Variants in BNIP1 observed in about 807,000 individuals in gnomAD.
The protein encoded by BNIP1 is BCL2 interacting protein 1.
BNIP1 carries 25 observed loss-of-function variants against 28.5 expected under a neutral mutation model. That is an observed-to-expected ratio of 0.88 (90% CI 0.64 to 1.23). BNIP1 has a LOEUF of 1.23. Ranked by LOEUF, BNIP1 falls within the 50% of genes most tolerant of loss-of-function variation. BNIP1 has a pLI of 0.00. For missense variants in BNIP1, 276 were observed against 277.0 expected (o/e 1.00, Z 0.02); for synonymous variants, 118 against 101.7 (o/e 1.16, Z -0.96).
intron 3 of BNIP1, among the ~76,000 whole-genome samples, chr5:173,156,598 T>G (rs1760193526): frequency 1.1e-5 from 1 of 93,722 alleles, no homozygotes; most frequent in Non-Finnish European, 2.5e-5. Context: ...GCCGTGATCA[T>G]GTGACTGCAC....
intron 1 of BNIP1, among the ~76,000 whole-genome samples, chr5:173,145,994 TAAAC>T (rs1759825525): frequency 6.6e-6 from 1 of 152,192 alleles, no homozygotes; most frequent in South Asian, 2.1e-4. Context: ...TATAGAAAAA[TAAAC>T]AGGTTTCATA....
chr5:173,151,202 A>G (rs1480599098), intron 2 of BNIP1, among the ~76,000 whole-genome samples: 1 of 152,014 alleles, frequency 6.6e-6, no homozygotes, highest in South Asian at 2.1e-4. Flanking sequence ...CAGTAATCAG[A>G]GACTGTCCTC....
At chr5:173,154,232 A>G in intron 2 of BNIP1, 90 bp from the exon 3 acceptor site, 1 of 1,162,392 alleles carries the variant, frequency 8.6e-7, no homozygotes, top group South Asian at 1.4e-5. Flanking sequence ...TTCAAGTGCT[A>G]TTGTATGCCC....
intron 2 of BNIP1, among the ~76,000 whole-genome samples, chr5:173,148,083 A>AAATAT (rs1759906154): frequency 5.0e-5 from 2 of 40,292 alleles, no homozygotes; most frequent in Non-Finnish European, 7.7e-5. Flanking sequence ...AAAAAAAAAA[A>AAATAT]ATATATATAT....
intron 3 of BNIP1, 109 bp from the exon 4 acceptor site, chr5:173,158,635 G>A (rs1760273774): frequency 1.3e-6 from 1 of 772,214 alleles, no homozygotes; most frequent in African/African-American, 1.8e-5. Flanking sequence ...TGAAGGCCGT[G>A]CCTGGTGGCC....
At position 173,154,394 on chromosome 5, in the gene BNIP1, C is replaced by A; in HGVS notation, c.250C>A (p.His84Asn). ...ACTTCTACTCCAGGAAGTGGAGAAT[C>A]ACAAAAAGCAGATGCTCAGGTAGGC... ...KQLLLQEVEN[H>N]KKQMLSNQAS... is the part of the protein sequence containing the mutation. The change falls in exon 3 of 6, where the codon CAC becomes AAC. Residue 84 changes from histidine to asparagine, a missense_variant. His to Asn is a moderately conservative substitution (Grantham distance 68). Coordinates refer to ENST00000351486, the MANE Select transcript of BNIP1 (RefSeq NM_001205.3). 1 of 1,613,596 alleles carries A rather than the reference C, an allele frequency of 6.2e-7. No homozygotes were observed. The highest frequency in any genetic ancestry group is 1.7e-5 in the Admixed American group (1 of 59,954).
intron 1 of BNIP1, among the ~76,000 whole-genome samples, chr5:173,146,037 A>T (rs1759826419): frequency 6.6e-6 from 1 of 152,244 alleles, no homozygotes; most frequent in Non-Finnish European, 1.5e-5. Context: ...CACATAATCT[A>T]AATTGCTTAG....
intron 2 of BNIP1, among the ~76,000 whole-genome samples, 178 bp downstream of exon 2, chr5:173,147,136 G>A (rs564008791): frequency 2.0e-5 from 3 of 152,300 alleles, no homozygotes; most frequent in East Asian, 3.9e-4. Flanking sequence ...GCCGGGCACG[G>A]TGGCTCACGC....
chr5:173,147,043 C>A, intron 2 of BNIP1, 85 bp downstream of exon 2: 1 of 1,025,724 alleles, frequency 9.7e-7, no homozygotes, highest in Non-Finnish European at 1.5e-6. Context: ...CTTCAAACAC[C>A]AGCTGATGGG....
intron 3 of BNIP1, among the ~76,000 whole-genome samples, chr5:173,155,709 T>A (rs938367036): frequency 6.6e-6 from 1 of 151,506 alleles, no homozygotes; most frequent in Non-Finnish European, 1.5e-5. Context: ...AAAAAAAAAA[T>A]ATTTTTATTT....
intron 2 of BNIP1, among the ~76,000 whole-genome samples, chr5:173,148,508 G>A (rs1011942569): frequency 2.0e-5 from 3 of 152,080 alleles, no homozygotes. Context: ...CAGGCCCAGG[G>A]CTGGAACTCA....
intron 3 of BNIP1, among the ~76,000 whole-genome samples, chr5:173,156,261 G>T (rs904313515): frequency 1.3e-5 from 2 of 152,212 alleles, no homozygotes; most frequent in Non-Finnish European, 1.5e-5. Context: ...GGTAAGTTAT[G>T]CCAGACACAC....
At chr5:173,151,143 T>C (rs556619931) in intron 2 of BNIP1, among the ~76,000 whole-genome samples, 50 of 152,284 alleles carry the variant, frequency 3.3e-4, no homozygotes, top group African/African-American at 1.1e-3. Context: ...TCAAAACTTA[T>C]ACTGTTAAGT....
chr5:173,153,519 G>A (rs1176923982), intron 2 of BNIP1, among the ~76,000 whole-genome samples: 4 of 152,084 alleles, frequency 2.6e-5, no homozygotes, highest in African/African-American at 4.8e-5. Flanking sequence ...GAGCCACTGC[G>A]CCCGGCCGAG....
chr5:173,153,723 A>G (rs1164312740), intron 2 of BNIP1, among the ~76,000 whole-genome samples: 1 of 152,088 alleles, frequency 6.6e-6, no homozygotes, highest in Non-Finnish European at 1.5e-5. Flanking sequence ...GTGCTGGTAG[A>G]TGGACATTTT....
At position 173,163,720 on chromosome 5, in the gene BNIP1, T is replaced by C; in HGVS notation, c.491-5T>C. ...GAGTTGGGCCTCCTTCCTCTTTTGT[T>C]TCAGTCACTTCTTCACGAACGATCC... On this transcript the variant is annotated splice_region_variant and splice_polypyrimidine_tract_variant and intron_variant, in intron 5 of 5. Coordinates refer to ENST00000351486, the MANE Select transcript of BNIP1 (RefSeq NM_001205.3). 1 of 1,581,980 alleles carries C rather than the reference T, an allele frequency of 6.3e-7. No individual in the cohort carries two copies. Among genetic ancestry groups the C allele is most frequent in the Admixed American group, 1.8e-5 (1 of 56,260 alleles).
intron 3 of BNIP1, 99 bp from the exon 4 acceptor site, chr5:173,158,645 C>T: frequency 1.1e-6 from 1 of 898,382 alleles, no homozygotes; most frequent in South Asian, 1.8e-5. Context: ...GCCTGGTGGC[C>T]TTCTCCCGTG....
At chr5:173,145,501 C>A (rs5745108) in intron 1 of BNIP1, among the ~76,000 whole-genome samples, 36,747 of 152,146 alleles carry the variant, frequency 0.24, 4,751 homozygotes, top group African/African-American at 0.28. Context: ...TCCCGGGTTC[C>A]CGCCATTCTC....
At chr5:173,151,487 T>A (rs919341356) in intron 2 of BNIP1, 1 of 1,433,394 alleles carries the variant, frequency 7.0e-7, no homozygotes, top group South Asian at 1.3e-5. Flanking sequence ...TTCCAAAGTG[T>A]TGGGATTACA....
Sources: allele counts gnomAD v4.1 joint callset (sites outside exome capture counted in the v4.1 genomes callset), GRCh38; gene constraint gnomAD v4.1.1; transcripts MANE v1.5; gene names NCBI Gene and HGNC (gene_info 2026-07-23, HGNC 2026-07-21).